The following ITGA9 variants were observed in gnomAD, a reference collection of about 807,000 sequenced individuals.
The protein encoded by ITGA9 is integrin alpha-9.
A neutral mutation model predicts 127.8 loss-of-function variants in ITGA9; 56 were observed. That is an observed-to-expected ratio of 0.44 (90% CI 0.35 to 0.55). ITGA9 has a LOEUF of 0.55. Ranked by LOEUF, ITGA9 falls within the 20% of genes least tolerant of loss-of-function variation. The pLI is 0.00. For synonymous variants in ITGA9, 508 were observed against 514.5 expected (o/e 0.99, Z 0.17); for missense variants, 1,196 against 1,347.1 (o/e 0.89, Z 1.76).
intron 5 of ITGA9, 73 bp from the exon 6 acceptor site, chr3:37,503,103 CTG>C (rs1360075869): frequency 1.3e-6 from 2 of 1,555,708 alleles, no homozygotes; most frequent in African/African-American, 2.7e-5. Flanking sequence ...TTTGTTGTGA[CTG>C]TGGTTCTCAT....
intron 18 of ITGA9, among the ~76,000 whole-genome samples, chr3:37,726,032 C>G (rs976799202): frequency 2.0e-5 from 3 of 152,228 alleles, no homozygotes; most frequent in African/African-American, 7.2e-5. Context: ...TTCAAGCTGA[C>G]TCATCATTGA....
intron 15 of ITGA9, among the ~76,000 whole-genome samples, chr3:37,627,495 G>A (rs1700187375): frequency 6.6e-6 from 1 of 152,204 alleles, no homozygotes; most frequent in African/African-American, 2.4e-5. Flanking sequence ...AGCTTCTGTG[G>A]CCCCGTACAC....
chr3:37,744,333 G>A (rs1446410493), intron 22 of ITGA9, among the ~76,000 whole-genome samples: 1 of 152,170 alleles, frequency 6.6e-6, no homozygotes, highest in Non-Finnish European at 1.5e-5. Context: ...CAGCCCAGAT[G>A]ACCCCATGAG....
At chr3:37,748,225 A>G (rs754014330) in intron 22 of ITGA9, 1 of 469,162 alleles carries the variant, frequency 2.1e-6, no homozygotes, top group Non-Finnish European at 4.1e-6. Flanking sequence ...GAAAGGTGAC[A>G]TTATAGACAT....
chr3:37,557,895 G>C (rs950322695), intron 15 of ITGA9, among the ~76,000 whole-genome samples: 3 of 152,216 alleles, frequency 2.0e-5, no homozygotes, highest in Non-Finnish European at 2.9e-5. Context: ...CTGGTAAGCA[G>C]CCAAGTCTTG....
chr3:37,800,538 CT>C (rs1697225040), intron 26 of ITGA9, among the ~76,000 whole-genome samples: 1 of 152,154 alleles, frequency 6.6e-6, no homozygotes, highest in South Asian at 2.1e-4. Flanking sequence ...TGATCCACAG[CT>C]TTTTAAGGGC....
At chr3:37,617,580 C>T (rs536738103) in intron 15 of ITGA9, among the ~76,000 whole-genome samples, 60 of 152,290 alleles carry the variant, frequency 3.9e-4, no homozygotes, top group African/African-American at 1.3e-3. Context: ...TTCCATTTTC[C>T]CCGTCACTTT....
chr3:37,696,387 T>C (rs1382991973), intron 18 of ITGA9, among the ~76,000 whole-genome samples: 8 of 152,262 alleles, frequency 5.3e-5, no homozygotes, highest in African/African-American at 1.9e-4. Context: ...ATGATCTTTA[T>C]CTGTCCGCCT....
Position 37,819,602 on chromosome 3 carries a change from C to T in ITGA9, c.*613C>T, listed in dbSNP as rs1181652895. 6.5e-6 allele frequency: 1 copy of T among 153,814 alleles called. No homozygotes were observed. The highest frequency in any genetic ancestry group is 2.4e-5 in the African/African-American group (1 of 41,442). The allele number at this position is 153,814 out of a possible 1,614,324, so 9.5% of individuals were successfully genotyped here. On this transcript the variant is annotated 3_prime_UTR_variant, in exon 28 of 28. Transcript: ENST00000264741. Reference sequence around the variant, plus strand: ...CGAAGACATTTCACATCTTTATCGCCTCGATCAAGTGTGGAGTCACATGCT... The same window carrying T: ...CGAAGACATTTCACATCTTTATCGCTTCGATCAAGTGTGGAGTCACATGCT...
chr3:37,759,076 C>T (rs1428073377), intron 23 of ITGA9, among the ~76,000 whole-genome samples: 2 of 131,942 alleles, frequency 1.5e-5, no homozygotes, highest in Admixed American at 7.2e-5. Context: ...TATATATATA[C>T]CCACACACAC....
chr3:37,529,846 G>A (rs112585731), intron 13 of ITGA9, among the ~76,000 whole-genome samples: 8,509 of 152,242 alleles, frequency 0.056, 285 homozygotes, highest in East Asian at 0.094. Context: ...ATGGGCTGGG[G>A]GCGAGGGGCC....
chr3:37,452,506 T>C lies in ITGA9; in HGVS notation c.132T>C (p.Ala44=). The change falls in exon 1 of 28, where the codon GCT becomes GCC. Residue 44 remains alanine (A), a synonymous_variant. Coordinates refer to ENST00000264741, the MANE Select transcript of ITGA9 (RefSeq NM_002207.3). The surrounding 1 kb of genome is among the most constrained non-coding windows in gnomAD (Gnocchi z 7.3). Reference sequence around the variant, plus strand: ...GCCCCGTGCACTTCCAGGGCCCCGCTGACTCGTTCTTCGGCTACGCAGTTC... The same window carrying C: ...GCCCCGTGCACTTCCAGGGCCCCGCCGACTCGTTCTTCGGCTACGCAGTTC... ...PQRPVHFQGP[A]DSFFGYAVLE... is the part of the protein sequence containing the mutation. 1 of 1,525,526 alleles carries C rather than the reference T, an allele frequency of 6.6e-7. No individual in the cohort carries two copies. Among genetic ancestry groups the C allele is most frequent in the East Asian group, 2.7e-5 (1 of 37,660 alleles). 94.5% of individuals were successfully genotyped at this position (1,525,526 alleles called of 1,614,324 possible).
chr3:37,498,118 G>A (rs1264623583), intron 5 of ITGA9, among the ~76,000 whole-genome samples: 4 of 152,194 alleles, frequency 2.6e-5, no homozygotes, highest in Admixed American at 2.6e-4. Flanking sequence ...GGTGAAAAGG[G>A]GTTGCCTGAG....
chr3:37,803,992 C>T, intron 27 of ITGA9, 50 bp downstream of exon 27: 1 of 1,613,342 alleles, frequency 6.2e-7, no homozygotes, highest in Non-Finnish European at 8.5e-7. Flanking sequence ...CATAGATGCC[C>T]AGCTCTCCTG....
intron 15 of ITGA9, among the ~76,000 whole-genome samples, chr3:37,561,790 G>T (rs1370454361): frequency 6.6e-6 from 1 of 152,162 alleles, no homozygotes; most frequent in Admixed American, 6.5e-5. Context: ...CAATTACTGG[G>T]GTCATGCCTG....
intron 15 of ITGA9, among the ~76,000 whole-genome samples, chr3:37,551,030 C>T (rs1288412539): frequency 2.0e-5 from 3 of 152,118 alleles, no homozygotes; most frequent in Non-Finnish European, 1.5e-5. Flanking sequence ...TTATCAGAGT[C>T]TTTTTTCTTT....
chr3:37,580,271 A>G (rs1575156661), intron 15 of ITGA9, among the ~76,000 whole-genome samples: 3 of 152,224 alleles, frequency 2.0e-5, no homozygotes, highest in African/African-American at 7.2e-5. Context: ...AGGACAGGGA[A>G]TCCTTCTGAA....
intron 15 of ITGA9, among the ~76,000 whole-genome samples, chr3:37,585,171 T>G (rs188117677): frequency 6.6e-6 from 1 of 152,208 alleles, no homozygotes; most frequent in East Asian, 1.9e-4. Context: ...TCTTTTAAAC[T>G]GACCCCCCTT....
intron 4 of ITGA9, among the ~76,000 whole-genome samples, chr3:37,492,336 C>G (rs1289552256): frequency 6.6e-6 from 1 of 152,208 alleles, no homozygotes; most frequent in Non-Finnish European, 1.5e-5. Flanking sequence ...GCCCTCAGAC[C>G]TCTGGTGGGG....
Sources: gnomAD v4.1 joint callset for allele counts (sites outside exome capture counted in the v4.1 genomes callset) on GRCh38, gnomAD v4.1.1 for gene constraint, Gnocchi (gnomAD v3.1) non-coding constraint, MANE v1.5 for transcripts, NCBI Gene and HGNC (gene_info 2026-07-23, HGNC 2026-07-21) for gene names.